MAST2: variants seen among roughly 807,000 people sequenced by gnomAD.
MAST2 encodes microtubule-associated serine/threonine-protein kinase 2.
A neutral mutation model predicts 147.4 loss-of-function variants in MAST2; 70 were observed. The observed-to-expected ratio is 0.47, with a 90% CI of 0.39 to 0.58. The LOEUF (loss-of-function observed/expected upper bound fraction) is 0.58, where lower values mean the gene tolerates loss of function less well. Among genes scored for constraint, MAST2 ranks in the 20% least tolerant of loss-of-function variants. The pLI is 0.00. For missense variants in MAST2, 2,080 were observed against 2,302.3 expected (o/e 0.90, Z 1.98); for synonymous variants, 869 against 896.8 (o/e 0.97, Z 0.55).
chr1:46,010,583 C>T (rs1265860409), intron 9 of MAST2, 147 bp from the exon 10 acceptor site: 1 of 642,440 alleles, frequency 1.6e-6, no homozygotes, highest in African/African-American at 1.8e-5. Context: ...CTATTAATGT[C>T]TTCAGTTATC....
chr1:46,009,723 T>G, intron 9 of MAST2, among the ~76,000 whole-genome samples: 1 of 152,332 alleles, frequency 6.6e-6, no homozygotes, highest in South Asian at 2.1e-4. Context: ...GGAGAAAATG[T>G]GTTAAGATTC....
chr1:46,036,096 C>T lies in MAST2; in HGVS notation c.*30C>T, dbSNP rs200757461. 9 of 1,560,518 alleles carry T rather than the reference C, an allele frequency of 5.8e-6. 1 individual carries two copies. The East Asian group carries it at 9.0e-5, about 16-fold the overall frequency. On this transcript the variant is annotated 3_prime_UTR_variant, in exon 29 of 29. Transcript: ENST00000361297. ...TGTTTGCCATTTCTTGCACTCAGAC[C>T]TGTGTAATATATGCTCCTGGAAACC...
rs376535081 is a variant in MAST2, at chr1:45,963,049, G to T, written c.592+3572G>T. Among the ~76,000 whole-genome samples, 20 of 152,242 alleles carry T rather than the reference G, an allele frequency of 1.3e-4. No individual in the cohort carries two copies. The South Asian group carries it at 2.5e-3, about 19-fold the overall frequency. ...TTTTCCCCATTTCTTGTTTTTGTCA[G>T]GTTTGTCAAAGATCAGATGGTTGTA... is the stretch of plus-strand genomic sequence containing the variant. On this transcript the variant is annotated intron_variant, in intron 5 of 28. Transcript: ENST00000361297.
chr1:45,967,699 A>AT (rs931795242), intron 5 of MAST2, among the ~76,000 whole-genome samples: 12 of 152,284 alleles, frequency 7.9e-5, no homozygotes, highest in East Asian at 3.9e-4. Context: ...GTGGAAAGGG[A>AT]TGCAGGAGTG....
At chr1:45,869,251 G>T (rs1378399550) in intron 3 of MAST2, among the ~76,000 whole-genome samples, 1 of 152,116 alleles carries the variant, frequency 6.6e-6, no homozygotes, top group Non-Finnish European at 1.5e-5. Context: ...TATCTTTGTA[G>T]ACAAGGATAA....
intron 3 of MAST2, among the ~76,000 whole-genome samples, chr1:45,873,218 G>A (rs976981283): frequency 6.7e-6 from 1 of 149,874 alleles, no homozygotes; most frequent in African/African-American, 2.5e-5. Flanking sequence ...TTTTGAGACA[G>A]GGTCTTGCTC....
At chr1:45,954,867 G>T (rs1391496102) in intron 4 of MAST2, among the ~76,000 whole-genome samples, 2 of 152,224 alleles carry the variant, frequency 1.3e-5, no homozygotes, top group Non-Finnish European at 2.9e-5. Context: ...TTTAAATAAG[G>T]TTAAGGCAAA....
Position 45,835,258 on chromosome 1 carries a change from A to G in MAST2, c.468+5677A>G, listed in dbSNP as rs190242133. On this transcript the variant is annotated intron_variant, in intron 3 of 28. Transcript: ENST00000361297. ...TTTCAATCTTTCGCATCACATTAAC[A>G]AAGTTATCAGGAAAGTAAGACTACT... Among the ~76,000 whole-genome samples, 6 of 152,266 alleles carry G rather than the reference A, an allele frequency of 3.9e-5. No individual in the cohort carries two copies. The East Asian group carries it at 7.7e-4, about 20-fold the overall frequency.
rs772263580 is a variant in MAST2 at position 46,031,392 on chromosome 1, T to A, written c.2994T>A (p.Ala998=). Reference sequence around the variant, plus strand: ...CTCACTGCTTACTTGGGCCTACAGCTATGGAGACCCGAGGCCGTGGGACCT... The same window carrying A: ...CTCACTGCTTACTTGGGCCTACAGCAATGGAGACCCGAGGCCGTGGGACCT... ...AVGRSSGSSP[A]METRGRGTSQ... Residue 998 remains alanine (A), a splice_region_variant and synonymous_variant, in exon 24 of 29, where the codon GCT becomes GCA. Transcript: ENST00000361297. The surrounding 1 kb of genome is among the most constrained non-coding windows in gnomAD (Gnocchi z 4.1). The A allele has an allele frequency of 7.4e-6, 12 of 1,611,198 alleles. No homozygotes were observed. The African/African-American group carries it at 1.5e-4, about 20-fold the overall frequency.
chr1:45,897,191 C>G (rs536294647), intron 4 of MAST2, among the ~76,000 whole-genome samples: 3 of 152,128 alleles, frequency 2.0e-5, no homozygotes, highest in African/African-American at 4.8e-5. Flanking sequence ...GGCAGCAATA[C>G]AAGTCTAGGA....
intron 3 of MAST2, among the ~76,000 whole-genome samples, chr1:45,870,849 A>C (rs1176162801): frequency 6.6e-6 from 1 of 151,852 alleles, no homozygotes; most frequent in East Asian, 1.9e-4. Flanking sequence ...GGATCGTTTG[A>C]GCCTAGGAGG....
At position 45,956,316 on chromosome 1, in the gene MAST2, A is replaced by G. The variant is rs114636481; in HGVS notation, c.501-3070A>G. On this transcript the variant is annotated intron_variant, in intron 4 of 28. Transcript: ENST00000361297. ...ATCATTGACTTCTTGAAGGAGTGTA[A>G]TTTGTTATCTATGGCTCCTAAATGT... Among the ~76,000 whole-genome samples, 1,013 of 152,250 alleles carry G rather than the reference A, an allele frequency of 6.7e-3. 12 individuals are homozygous for G. Among genetic ancestry groups the G allele is most frequent in the African/African-American group, 0.024 (977 of 41,548 alleles).
At chr1:46,014,444 C>T (rs1314419217) in intron 10 of MAST2, among the ~76,000 whole-genome samples, 5 of 149,608 alleles carry the variant, frequency 3.3e-5, no homozygotes, top group African/African-American at 4.9e-5. Context: ...TTTGTTCTTG[C>T]GATAGTTTAC....
chr1:45,894,268 C>T (rs1347145435), intron 4 of MAST2, among the ~76,000 whole-genome samples: 2 of 151,616 alleles, frequency 1.3e-5, no homozygotes, highest in Non-Finnish European at 2.9e-5. Flanking sequence ...ATTTTCTACA[C>T]GTAGGATCTG....
intron 3 of MAST2, among the ~76,000 whole-genome samples, chr1:45,834,894 A>G (rs1645058557): frequency 6.6e-6 from 1 of 150,498 alleles, no homozygotes; most frequent in Non-Finnish European, 1.5e-5. Flanking sequence ...CTACCTGTCT[A>G]CTGTCTTTCC....
chr1:45,926,861 G>T (rs988352320), intron 4 of MAST2, among the ~76,000 whole-genome samples: 5 of 152,152 alleles, frequency 3.3e-5, no homozygotes, highest in African/African-American at 1.2e-4. Flanking sequence ...GGCTCCAGGT[G>T]ACCCTGAATG....
At chr1:45,924,418 T>C (rs1474891639) in intron 4 of MAST2, among the ~76,000 whole-genome samples, 1 of 152,136 alleles carries the variant, frequency 6.6e-6, no homozygotes, top group African/African-American at 2.4e-5. Flanking sequence ...ACAATGTGCA[T>C]AAGTGAAGAA....
Position 46,006,292 on chromosome 1 carries a change from G to T in MAST2, c.799G>T (p.Ala267Ser), listed in dbSNP as rs1280752712. The change falls in exon 8 of 29, where the codon GCT becomes TCT. Residue 267 changes from alanine to serine, a missense_variant. Physicochemically the swap from Ala to Ser is moderately conservative, Grantham distance 99. Coordinates refer to ENST00000361297, the MANE Select transcript of MAST2 (RefSeq NM_015112.3). ...GCATCAGTTGCCTTTCCAGCCTACA[G>T]CTGATGAGCTGCACTTTTTGACGAA... is the stretch of plus-strand genomic sequence containing the variant. Reference protein sequence around the residue: ...KLHQLPFQPTADELHFLTKHF... With the variant: ...KLHQLPFQPTSDELHFLTKHF... 12 of 1,613,714 alleles carry T rather than the reference G, an allele frequency of 7.4e-6. No homozygotes were observed. Among genetic ancestry groups the T allele is most frequent in the African/African-American group, 1.3e-5 (1 of 74,938 alleles).
At chr1:45,908,701 G>A (rs920494455) in intron 4 of MAST2, among the ~76,000 whole-genome samples, 2 of 152,054 alleles carry the variant, frequency 1.3e-5, no homozygotes, top group East Asian at 1.9e-4. Flanking sequence ...CCTAGCATGT[G>A]GTCTTTCTTG....
Sources: gnomAD v4.1 joint callset for allele counts (sites outside exome capture counted in the v4.1 genomes callset) on GRCh38, gnomAD v4.1.1 for gene constraint, Gnocchi (gnomAD v3.1) non-coding constraint, MANE v1.5 for transcripts, NCBI Gene and HGNC (gene_info 2026-07-23, HGNC 2026-07-21) for gene names.